SDHA: variants seen among roughly 807,000 people sequenced by gnomAD.
SDHA encodes succinate dehydrogenase [ubiquinone] flavoprotein subunit, mitochondrial.
In SDHA, 48 loss-of-function variants were observed where a neutral mutation model predicts 78.4. The observed-to-expected ratio is 0.61, with a 90% CI of 0.49 to 0.78. The LOEUF (loss-of-function observed/expected upper bound fraction) is 0.78, where lower values mean the gene tolerates loss of function less well. Among genes scored for constraint, SDHA ranks in the 30% least tolerant of loss-of-function variants. The pLI is 0.00. For synonymous variants in SDHA, 326 were observed against 353.9 expected, an observed-to-expected ratio of 0.92 and a Z score of 0.88; for missense variants, 680 against 892.7, an observed-to-expected ratio of 0.76 and a Z score of 3.04.
At chr5:228,883 CAA>C (rs1041751979) in intron 6 of SDHA, among the ~76,000 whole-genome samples, 1 of 145,654 alleles carries the variant, frequency 6.9e-6, no homozygotes, top group Non-Finnish European at 1.5e-5. Flanking sequence ...TCTAAAATAG[CAA>C]AAAAAAAACC....
intron 1 of SDHA, among the ~76,000 whole-genome samples, chr5:220,708 C>G (rs1734663937): frequency 6.6e-6 from 1 of 151,962 alleles, no homozygotes; most frequent in Non-Finnish European, 1.5e-5. Context: ...TGAGCTCCGT[C>G]TTTCCGTGGG....
At position 235,356 on chromosome 5, in the gene SDHA, C is replaced by T. The variant is rs750384205; in HGVS notation, c.1260+17C>T. 5 of 1,613,704 alleles carry T rather than the reference C, an allele frequency of 3.1e-6. No homozygotes were observed. The highest frequency in any genetic ancestry group is 4.2e-6 in the Non-Finnish European group (5 of 1,179,570). On this transcript the variant is annotated intron_variant, in intron 9 of 14. Coordinates refer to ENST00000264932, the MANE Select transcript of SDHA (RefSeq NM_004168.4). Reference sequence around the variant, plus strand: ...AAGGGGCAGGTGATGGTGCTGGCTCCTCCCCCACAGCTGGAAAGAAGGCTG... The same window carrying T: ...AAGGGGCAGGTGATGGTGCTGGCTCTTCCCCCACAGCTGGAAAGAAGGCTG...
At chr5:242,192 A>C (rs1384028305) in intron 11 of SDHA, among the ~76,000 whole-genome samples, 1 of 152,142 alleles carries the variant, frequency 6.6e-6, no homozygotes, top group Non-Finnish European at 1.5e-5. Context: ...AATGAGGTAA[A>C]TTTTTGGGAA....
chr5:247,895 C>T lies in SDHA; in HGVS notation c.1552-3097C>T, dbSNP rs192289337. Among the ~76,000 whole-genome samples the T allele has an allele frequency of 3.9e-5, 6 of 152,304 alleles. No individual in the cohort carries two copies. The East Asian group carries it at 1.2e-3, about 29-fold the overall frequency. ...TCCCTTATAATTCTCAAGGACAAGC[C>T]ATAGTGGAAAGAATGAATCTTTCCC... On this transcript the variant is annotated intron_variant, in intron 11 of 14. Transcript: ENST00000264932.
chr5:238,441 A>G (rs1367831549), intron 10 of SDHA, among the ~76,000 whole-genome samples: 3 of 145,334 alleles, frequency 2.1e-5, no homozygotes, highest in Admixed American at 6.8e-5. Flanking sequence ...ATACACATAT[A>G]TATGTATTTT....
At chr5:256,296 T>C in intron 14 of SDHA, 38 bp from the exon 15 acceptor site, 1 of 1,493,576 alleles carries the variant, frequency 6.7e-7, no homozygotes, top group Non-Finnish European at 9.3e-7. Flanking sequence ...TTTTTGTACA[T>C]TTTTGTGCTT....
chr5:231,508 C>T (rs796326381), intron 7 of SDHA, among the ~76,000 whole-genome samples: 11 of 149,250 alleles, frequency 7.4e-5, no homozygotes, highest in African/African-American at 2.2e-4. Flanking sequence ...TGCAGTGAGC[C>T]GAGATCGCGC....
chr5:230,048 A>T (rs1735295149), intron 6 of SDHA, among the ~76,000 whole-genome samples: 1 of 152,242 alleles, frequency 6.6e-6, no homozygotes, highest in Non-Finnish European at 1.5e-5. Flanking sequence ...GGCTATCGTT[A>T]ATATTATAAC....
At position 230,856 on chromosome 5, in the gene SDHA, C is replaced by G. The variant is rs1735351623; in HGVS notation, c.771-20C>G. On this transcript the variant is annotated intron_variant, in intron 6 of 14. Coordinates refer to ENST00000264932, the MANE Select transcript of SDHA (RefSeq NM_004168.4). ...AGATGTGGGCCGCTGTGTGCAGTCA[C>G]TGCTCTCTATTGTTTCCAGAGGCTA... The G allele has an allele frequency of 2.5e-6, 4 of 1,613,386 alleles. No homozygotes were observed. Among genetic ancestry groups the G allele is most frequent in the South Asian group, 2.2e-5 (2 of 91,088 alleles).
rs201068049 is a variant in SDHA at position 251,425 on chromosome 5, C to T, written c.1751C>T (p.Ala584Val). The change falls in exon 13 of 15, where the codon GCA (alanine) becomes GTA (valine). Residue 584 changes from alanine (A) to valine (V), a missense_variant. By Grantham distance (64) the Ala-to-Val change is moderately conservative. Transcript: ENST00000264932. Reference sequence around the variant, plus strand: ...CTGCAGACCATCTACGGAGCAGAGGCACGGAAGGAGTCACGGGGCGCGCAT... The same window carrying T: ...CTGCAGACCATCTACGGAGCAGAGGTACGGAAGGAGTCACGGGGCGCGCAT... ...CALQTIYGAE[A>V]RKESRGAHAR... 157 of 1,613,836 alleles carry T rather than the reference C, an allele frequency of 9.7e-5. No individual in the cohort carries two copies. Among genetic ancestry groups the T allele is most frequent in the Non-Finnish European group, 1.3e-4 (150 of 1,179,876 alleles).
chr5:240,281 T>C, intron 10 of SDHA, 77 bp from the exon 11 acceptor site: 1 of 882,710 alleles, frequency 1.1e-6, no homozygotes, highest in South Asian at 1.4e-5. Context: ...GTGCTACATG[T>C]TTGTGTGTCA....
chr5:219,272 GCTCT>G (rs928826041), intron 1 of SDHA, among the ~76,000 whole-genome samples: 2 of 137,834 alleles, frequency 1.5e-5, no homozygotes, highest in African/African-American at 6.8e-5. Flanking sequence ...CTGAGCCCTT[GCTCT>G]CTGAGTGTCT....
intron 11 of SDHA, chr5:250,147 C>T (rs1736721907): frequency 2.6e-5 from 4 of 151,952 alleles, no homozygotes; most frequent in Non-Finnish European, 4.4e-5. Flanking sequence ...TCCTGAAAAA[C>T]CATTAGGTTG....
At chr5:234,117 A>G (rs1191649186) in intron 8 of SDHA, 3 of 188,690 alleles carry the variant, frequency 1.6e-5, no homozygotes, top group Admixed American at 5.3e-5. Flanking sequence ...ACATTTTTAT[A>G]TTAAAAAAAC....
chr5:255,030 G>T (rs1737092074), intron 14 of SDHA, among the ~76,000 whole-genome samples: 1 of 146,584 alleles, frequency 6.8e-6, no homozygotes, highest in Non-Finnish European at 1.5e-5. Flanking sequence ...AGGTGGGGTT[G>T]GGGTGAGCAG....
At position 235,037 on chromosome 5, in the gene SDHA, C is replaced by T. The variant is rs999026593; in HGVS notation, c.1065-107C>T. 9 of 1,140,534 alleles carry T rather than the reference C, an allele frequency of 7.9e-6. No homozygotes were observed. The African/African-American group carries it at 1.4e-4, about 17-fold the overall frequency. The allele number at this position is 1,140,534 out of a possible 1,614,324, so 70.7% of individuals were successfully genotyped here. On this transcript the variant is annotated intron_variant, in intron 8 of 14. Coordinates refer to ENST00000264932, the MANE Select transcript of SDHA (RefSeq NM_004168.4). ...TGACCATACATGAGGGGAAATTTTC[C>T]TCAGTATCAAAACATGTTGAAACTC...
At chr5:233,995 G>C in intron 8 of SDHA, 1 of 332,760 alleles carries the variant, frequency 3.0e-6, no homozygotes, top group Non-Finnish European at 5.8e-6. Flanking sequence ...TTCAAAGTGT[G>C]TGGGTTATTT....
downstream of SDHA, among the ~76,000 whole-genome samples, chr5:261,146 C>T (rs1433721018): frequency 3.6e-3 from 26 of 7,208 alleles, no homozygotes; most frequent in Non-Finnish European, 5.0e-3. Flanking sequence ...ACAGCATTAC[C>T]GTGTGAGCTC....
Position 224,377 on chromosome 5 carries a change from A to G in SDHA, c.168A>G (p.Pro56=), listed in dbSNP as rs745316978. The G allele has an allele frequency of 1.2e-6, 2 of 1,613,510 alleles. No individual in the cohort carries two copies. The highest frequency in any genetic ancestry group is 1.7e-6 in the Non-Finnish European group (2 of 1,179,836). The part of the protein sequence containing the change: ...KVSDSISAQY[P]VVDHEFDAVV... ...TTTTCCAGATTTCTGCTCAGTATCC[A>G]GTAGTGGATCATGAATTTGATGCAG... The change falls in exon 3 of 15, where the codon CCA becomes CCG. Residue 56 remains proline (P), a synonymous_variant. Transcript: ENST00000264932.
Sources: gnomAD v4.1 joint callset for allele counts (sites outside exome capture counted in the v4.1 genomes callset) on GRCh38, gnomAD v4.1.1 for gene constraint, MANE v1.5 for transcripts, NCBI Gene and HGNC (gene_info 2026-07-23, HGNC 2026-07-21) for gene names.